Variants in SOX6 observed in about 807,000 individuals in gnomAD.
SOX6 encodes transcription factor SOX-6.
A neutral mutation model predicts 97.8 loss-of-function variants in SOX6; 11 were observed. The observed-to-expected ratio is 0.11, with a 90% confidence interval of 0.07 to 0.19. SOX6 has a LOEUF of 0.19. Among genes scored for constraint, SOX6 ranks in the 10% least tolerant of loss-of-function variants. The probability of loss-of-function intolerance (pLI) is 1.00; values close to 1 mark genes in which losing one functional copy is unlikely to be tolerated. For missense variants in SOX6, 810 were observed against 1,039.5 expected, an observed-to-expected ratio of 0.78 and a Z score of 3.04; for synonymous variants, 360 against 371.4, an observed-to-expected ratio of 0.97 and a Z score of 0.35.
chr11:16,622,249 T>G (rs1172923028), intron 3 of SOX6, among the ~76,000 whole-genome samples: 1 of 152,248 alleles, frequency 6.6e-6, no homozygotes, highest in African/African-American at 2.4e-5. Flanking sequence ...AAGTATATTT[T>G]AAGCTTTTGT....
chr11:16,087,087 A>C (rs1236543271), intron 9 of SOX6, among the ~76,000 whole-genome samples: 1 of 152,182 alleles, frequency 6.6e-6, no homozygotes, highest in African/African-American at 2.4e-5. Flanking sequence ...CTAGAATAGT[A>C]ATCTTGTCTA....
At chr11:16,643,233 T>C (rs910014305) in intron 3 of SOX6, among the ~76,000 whole-genome samples, 2 of 152,132 alleles carry the variant, frequency 1.3e-5, no homozygotes, top group Non-Finnish European at 2.9e-5. Flanking sequence ...ACAGCGAAGA[T>C]TGGTGAACAG....
At chr11:16,529,450 A>G (rs961340986) in intron 4 of SOX6, among the ~76,000 whole-genome samples, 1 of 152,084 alleles carries the variant, frequency 6.6e-6, no homozygotes, top group African/African-American at 2.4e-5. Flanking sequence ...CAATGGAGAG[A>G]AAAAGAAAAA....
chr11:16,127,581 T>C (rs1849638596), intron 6 of SOX6, among the ~76,000 whole-genome samples: 1 of 152,140 alleles, frequency 6.6e-6, no homozygotes, highest in South Asian at 2.1e-4. Flanking sequence ...ATTTGAAACA[T>C]GGTCAAAATG....
chr11:16,579,029 G>A (rs1483352299), intron 4 of SOX6, among the ~76,000 whole-genome samples: 1 of 152,034 alleles, frequency 6.6e-6, no homozygotes. Context: ...TCTGAGCTGT[G>A]ATTCTATTAT....
In SOX6 at chr11:16,671,047, T is replaced by A. The variant is rs74699787; in HGVS notation, n.429+43783A>T. ...CAACACCAAAAGCACCTCACTAACATACCCCACTATGAAACAAAAGACAAA... is the reference window on the plus strand; with the variant it reads ...CAACACCAAAAGCACCTCACTAACAAACCCCACTATGAAACAAAAGACAAA... On this transcript the variant is annotated intron_variant and non_coding_transcript_variant, in intron 3 of 5. Transcript: ENST00000524520. Among the ~76,000 whole-genome samples, 264 of 152,230 alleles carry A rather than the reference T, an allele frequency of 1.7e-3. 2 individuals carry two copies. Among genetic ancestry groups the A allele is most frequent in the African/African-American group, 6.1e-3 (254 of 41,540 alleles).
chr11:16,224,980 G>A (rs1852644027), intron 4 of SOX6, among the ~76,000 whole-genome samples: 1 of 151,938 alleles, frequency 6.6e-6, no homozygotes, highest in African/African-American at 2.4e-5. Flanking sequence ...TATGATTCTA[G>A]ATATTACTCT....
At chr11:16,007,940 C>T (rs187756775) in intron 13 of SOX6, among the ~76,000 whole-genome samples, 114 of 152,160 alleles carry the variant, frequency 7.5e-4, no homozygotes, top group African/African-American at 2.6e-3. Context: ...TCTTTCATTG[C>T]TCAGTTGCTG....
At chr11:16,349,691 AGGAAGGAAGGAAGGAAGGAAGGAAGAAG>A (rs1455701603) in intron 1 of SOX6, among the ~76,000 whole-genome samples, 7 of 47,682 alleles carry the variant, frequency 1.5e-4, no homozygotes, top group African/African-American at 4.2e-4. Context: ...GAAGGAAGGA[AGGAAGGAAGGAAGGAAGGAAGGAAGAAG>A]GAAGGAAGGA....
Position 16,583,614 on chromosome 11 carries a change from C to CATATATAT in SOX6, n.609+28459_609+28466dup, listed in dbSNP as rs534690651. Among the ~76,000 whole-genome samples, 407 of 104,618 alleles carry CATATATAT rather than the reference C, an allele frequency of 3.9e-3. 18 individuals are homozygous for CATATATAT. Among genetic ancestry groups the CATATATAT allele is most frequent in the East Asian group, 8.7e-3 (40 of 4,582 alleles). 68.6% of individuals were successfully genotyped at this position (104,618 alleles called of 152,430 possible). On this transcript the variant is annotated intron_variant and non_coding_transcript_variant, in intron 4 of 5. Coordinates refer to the SOX6 transcript ENST00000524520. Reference sequence around the variant, plus strand: ...ATATGTATATATGTGTATATATATACATATATATATATATATATATATACA... The same window carrying CATATATAT: ...ATATGTATATATGTGTATATATATACATATATATATATATATATATATATATATATACA...
At chr11:15,987,415 T>C (rs1416937664) in intron 14 of SOX6, among the ~76,000 whole-genome samples, 1 of 152,232 alleles carries the variant, frequency 6.6e-6, no homozygotes, top group African/African-American at 2.4e-5. Context: ...GTTCTGCTGG[T>C]TTCCAGCAGC....
At chr11:16,568,876 C>T (rs72859451) in intron 4 of SOX6, among the ~76,000 whole-genome samples, 17,276 of 152,238 alleles carry the variant, frequency 0.11, 1,031 homozygotes, top group Non-Finnish European at 0.14. Flanking sequence ...TTTCTTCCTT[C>T]TTAACCTTCT....
At chr11:16,357,341 A>G (rs1857100883), upstream of SOX6, among the ~76,000 whole-genome samples, 1 of 152,084 alleles carries the variant, frequency 6.6e-6, no homozygotes, top group African/African-American at 2.4e-5. Flanking sequence ...TTGTTTTCTC[A>G]CCCTCCTCAA....
chr11:16,195,957 T>G (rs1851762562), intron 4 of SOX6, among the ~76,000 whole-genome samples: 1 of 152,140 alleles, frequency 6.6e-6, no homozygotes, highest in Non-Finnish European at 1.5e-5. Flanking sequence ...TAGCATGATT[T>G]GAGAAACCTC....
chr11:16,192,083 T>A (rs995532660), intron 4 of SOX6, among the ~76,000 whole-genome samples: 3 of 152,108 alleles, frequency 2.0e-5, no homozygotes, highest in Admixed American at 1.3e-4. Flanking sequence ...TCACAGCAAT[T>A]TACAGGCAGC....
At chr11:16,103,115 G>A (rs1201168154) in intron 7 of SOX6, among the ~76,000 whole-genome samples, 5 of 151,918 alleles carry the variant, frequency 3.3e-5, no homozygotes, top group Middle Eastern at 3.4e-3. Context: ...GAGAATCTTC[G>A]CAATCTATAC....
chr11:16,065,264 C>A (rs1344066440), intron 9 of SOX6, among the ~76,000 whole-genome samples: 3 of 151,660 alleles, frequency 2.0e-5, no homozygotes, highest in African/African-American at 7.3e-5. Context: ...ATGCCACTTA[C>A]AATAGTCACA....
chr11:16,061,113 C>T (rs963425035), intron 9 of SOX6, among the ~76,000 whole-genome samples: 1 of 151,094 alleles, frequency 6.6e-6, no homozygotes, highest in Admixed American at 6.6e-5. Flanking sequence ...AAATAAAAGG[C>T]AAAAAAATTT....
At chr11:16,712,278 T>C (rs1848187674) in intron 3 of SOX6, among the ~76,000 whole-genome samples, 1 of 152,240 alleles carries the variant, frequency 6.6e-6, no homozygotes, top group Non-Finnish European at 1.5e-5. Context: ...GTGGGATTGC[T>C]GGATCAAATG....
Sources: allele counts gnomAD v4.1 joint callset (sites outside exome capture counted in the v4.1 genomes callset), GRCh38; gene constraint gnomAD v4.1.1; transcripts MANE v1.5; gene names NCBI Gene and HGNC (gene_info 2026-07-23, HGNC 2026-07-21).